COL4A4: variants seen among roughly 807,000 people sequenced by gnomAD.
COL4A4 encodes the protein collagen type IV alpha 4 chain, also known as collagen alpha-4(IV) chain.
In COL4A4, 105 loss-of-function variants were observed where a neutral mutation model predicts 192.9. The observed-to-expected ratio is 0.54, with a 90% confidence interval of 0.46 to 0.64. The LOEUF (loss-of-function observed/expected upper bound fraction) is 0.64, where lower values mean the gene tolerates loss of function less well. COL4A4 is among the 30% of genes least tolerant of loss of function. The pLI is 0.00. For missense variants in COL4A4, 1,967 were observed against 2,169.3 expected (o/e 0.91, Z 1.85); for synonymous variants, 762 against 769.9 (o/e 0.99, Z 0.17).
chr2:227,051,360 T>C (rs1165599427), intron 32 of COL4A4, among the ~76,000 whole-genome samples: 4 of 152,194 alleles, frequency 2.6e-5, no homozygotes, highest in Non-Finnish European at 5.9e-5. Flanking sequence ...CTAAGGACTA[T>C]CAGAGGTGGG....
At chr2:227,027,830 T>G in intron 42 of COL4A4, 72 bp downstream of exon 42, 1 of 1,060,054 alleles carries the variant, frequency 9.4e-7, no homozygotes, top group Non-Finnish European at 1.5e-6. Context: ...TTCAGAATAT[T>G]AACTACTTTC....
At chr2:227,114,401 T>G (rs1413424308) in intron 8 of COL4A4, among the ~76,000 whole-genome samples, 1 of 152,238 alleles carries the variant, frequency 6.6e-6, no homozygotes, top group Non-Finnish European at 1.5e-5. Context: ...CCCTTGCAGT[T>G]CTGACTAGTT....
intron 27 of COL4A4, 35 bp downstream of exon 27, chr2:227,060,101 G>GAAAAGAA: frequency 2.0e-6 from 1 of 503,760 alleles, no homozygotes; most frequent in Admixed American, 4.3e-5. Flanking sequence ...TCCCAAAGCA[G>GAAAAGAA]AAAAAAAAAA....
intron 1 of COL4A4, among the ~76,000 whole-genome samples, chr2:227,149,292 C>T (rs1170042847): frequency 6.6e-6 from 1 of 152,168 alleles, no homozygotes. Context: ...TCACTTTGAA[C>T]ACCCAGATCT....
At chr2:227,152,174 T>TA (rs2063995272) in intron 1 of COL4A4, among the ~76,000 whole-genome samples, 1 of 152,334 alleles carries the variant, frequency 6.6e-6, no homozygotes, top group East Asian at 1.9e-4. Context: ...AGACAGTTCT[T>TA]ACACCCTGGG....
chr2:226,977,624 G>A, the COL4A4 span, among the ~76,000 whole-genome samples: 1 of 152,214 alleles, frequency 6.6e-6, no homozygotes, highest in Non-Finnish European at 1.5e-5. Context: ...TGCACAGGGA[G>A]AAGCATAATA....
At chr2:227,043,858 A>T (rs1445920468) in intron 35 of COL4A4, among the ~76,000 whole-genome samples, 2 of 152,212 alleles carry the variant, frequency 1.3e-5, no homozygotes, top group Non-Finnish European at 2.9e-5. Flanking sequence ...GAAAATTAAT[A>T]GCAATTCTTA....
chr2:226,992,289 A>G, the COL4A4 span, among the ~76,000 whole-genome samples: 1 of 152,324 alleles, frequency 6.6e-6, no homozygotes, highest in East Asian at 1.9e-4. Context: ...AGGGGCTGAC[A>G]TCAACTTTGT....
intron 4 of COL4A4, among the ~76,000 whole-genome samples, chr2:227,125,366 A>G (rs758169961): frequency 4.0e-5 from 6 of 151,190 alleles, no homozygotes; most frequent in Non-Finnish European, 7.4e-5. Context: ...GCGCCATCAC[A>G]CCCGTCTAAA....
At chr2:227,012,145 C>T (rs1349571658) in intron 45 of COL4A4, 36 bp downstream of exon 45, 2 of 1,472,532 alleles carry the variant, frequency 1.4e-6, no homozygotes, top group East Asian at 4.5e-5. Flanking sequence ...CTAAGGTTTA[C>T]AGTGTCAGAG....
intron 22 of COL4A4, among the ~76,000 whole-genome samples, chr2:227,087,439 C>A (rs1196782928): frequency 6.6e-6 from 1 of 152,180 alleles, no homozygotes; most frequent in African/African-American, 2.4e-5. Context: ...CCTTCCATCG[C>A]CTTCCCATCT....
chr2:227,081,837 C>T (rs891978611), intron 23 of COL4A4, among the ~76,000 whole-genome samples: 3 of 152,052 alleles, frequency 2.0e-5, no homozygotes, highest in East Asian at 1.9e-4. Context: ...TGAATAAACA[C>T]CAGCCAAGCC....
chr2:227,054,660 T>TTGCGCCAGGACATCCCTC lies in COL4A4; in HGVS notation c.2776_2793dup (p.Glu926_Ala931dup), dbSNP rs1445853489. Reference sequence around the variant, plus strand: ...ATGCCCTTCTCTCCAGGTTCTCCCTTTGCGCCAGGACATCCCTCTGCACCA... The same window carrying TTGCGCCAGGACATCCCTC: ...ATGCCCTTCTCTCCAGGTTCTCCCTTTGCGCCAGGACATCCCTCTGCGCCAGGACATCCCTCTGCACCA... On this transcript the variant is annotated inframe_insertion, in exon 31 of 48. Transcript: ENST00000396625. 1.2e-6 allele frequency: 2 copies of TTGCGCCAGGACATCCCTC among 1,614,214 alleles called. No individual in the cohort carries two copies. The highest frequency in any genetic ancestry group is 1.7e-5 in the Admixed American group (1 of 60,026).
the COL4A4 span, among the ~76,000 whole-genome samples, chr2:226,969,904 A>G: frequency 6.6e-6 from 1 of 152,072 alleles, no homozygotes; most frequent in Non-Finnish European, 1.5e-5. Flanking sequence ...GCGAGGCACA[A>G]AGGGAATCTT....
chr2:227,068,592 T>C (rs1340960659), intron 25 of COL4A4, among the ~76,000 whole-genome samples: 1 of 152,128 alleles, frequency 6.6e-6, no homozygotes, highest in Non-Finnish European at 1.5e-5. Flanking sequence ...TAATCCAGCA[T>C]ATAAACAGAA....
chr2:227,075,609 A>G (rs1023876951), intron 25 of COL4A4, among the ~76,000 whole-genome samples: 3 of 152,178 alleles, frequency 2.0e-5, no homozygotes, highest in African/African-American at 7.2e-5. Flanking sequence ...CACCACTCCT[A>G]TTCAACATAG....
chr2:227,057,635 C>CA (rs1407170472), intron 28 of COL4A4, 35 bp from the exon 29 acceptor site: 2 of 1,608,660 alleles, frequency 1.2e-6, no homozygotes, highest in African/African-American at 1.3e-5. Context: ...ACATTCATGA[C>CA]AAAAAACTAT....
chr2:227,116,447 G>A (rs556681663), intron 7 of COL4A4, among the ~76,000 whole-genome samples: 1 of 152,258 alleles, frequency 6.6e-6, no homozygotes, highest in African/African-American at 2.4e-5. Context: ...ATTATTCAGA[G>A]CACACACACA....
chr2:227,015,565 A>G (rs1964693033), intron 44 of COL4A4, among the ~76,000 whole-genome samples: 2 of 151,942 alleles, frequency 1.3e-5, no homozygotes, highest in Non-Finnish European at 1.5e-5. Context: ...AAATTCCCAC[A>G]TTACCCCTTA....
Sources: gnomAD v4.1 joint callset for allele counts (sites outside exome capture counted in the v4.1 genomes callset) on GRCh38, gnomAD v4.1.1 for gene constraint, MANE v1.5 for transcripts, NCBI Gene and HGNC (gene_info 2026-07-23, HGNC 2026-07-21) for gene names.